Variants in CMYA5 observed in about 807,000 individuals in gnomAD.
The protein encoded by CMYA5 is cardiomyopathy-associated protein 5.
Under a neutral mutation model 318.9 loss-of-function variants are expected in CMYA5, and 246 were observed. The observed-to-expected ratio is 0.77, with a 90% CI of 0.70 to 0.86. The LOEUF is 0.86. Ranked by LOEUF, CMYA5 falls within the 40% of genes least tolerant of loss-of-function variation. The pLI is 0.00. For synonymous variants in CMYA5, 1,641 were observed against 1,729.5 expected, an observed-to-expected ratio of 0.95 and a Z score of 1.27; for missense variants, 4,589 against 4,678.2, an observed-to-expected ratio of 0.98 and a Z score of 0.56.
At chr5:79,755,379 C>T (rs1040531108) in intron 6 of CMYA5, among the ~76,000 whole-genome samples, 2 of 152,086 alleles carry the variant, frequency 1.3e-5, no homozygotes, top group Non-Finnish European at 1.5e-5. Flanking sequence ...CTCCGCCTCC[C>T]GGGTTCAAGC....
intron 10 of CMYA5, among the ~76,000 whole-genome samples, chr5:79,790,451 G>A (rs9293788): frequency 0.55 from 84,078 of 151,784 alleles, 23,629 homozygotes; most frequent in Admixed American, 0.62. Context: ...TTGTATTTTT[G>A]GTAGAGACGG....
intron 7 of CMYA5, among the ~76,000 whole-genome samples, chr5:79,761,346 G>A (rs907609071): frequency 2.6e-5 from 4 of 152,130 alleles, no homozygotes; most frequent in Non-Finnish European, 4.4e-5. Context: ...AACCTGGAAG[G>A]TCATACTGAA....
chr5:79,745,514 T>C, intron 4 of CMYA5, 59 bp downstream of exon 4: 1 of 1,034,158 alleles, frequency 9.7e-7, no homozygotes, highest in Admixed American at 1.9e-5. Flanking sequence ...CATCTACTTT[T>C]AAAGCTTCAT....
At chr5:79,740,285 C>T (rs577468828) in intron 2 of CMYA5, among the ~76,000 whole-genome samples, 7 of 152,270 alleles carry the variant, frequency 4.6e-5, no homozygotes, top group African/African-American at 1.7e-4. Context: ...GGCCTAGGGG[C>T]TAGCAAGAGA....
chr5:79,709,693 C>A (rs1454465142), intron 1 of CMYA5, among the ~76,000 whole-genome samples: 1 of 151,284 alleles, frequency 6.6e-6, no homozygotes, highest in Non-Finnish European at 1.5e-5. Flanking sequence ...CGTGGTGACT[C>A]ACGCCTGTAA....
intron 1 of CMYA5, 38 bp downstream of exon 1, chr5:79,690,094 G>A (rs1197813081): frequency 7.2e-7 from 1 of 1,392,396 alleles, no homozygotes; most frequent in Non-Finnish European, 9.3e-7. Context: ...GGGCCTGCAG[G>A]GCAGCTAGCA....
chr5:79,703,242 T>C (rs1827207077), intron 1 of CMYA5, among the ~76,000 whole-genome samples: 1 of 152,230 alleles, frequency 6.6e-6, no homozygotes, highest in Non-Finnish European at 1.5e-5. Context: ...TAGAATAAAC[T>C]AGTTAATATT....
chr5:79,768,619 G>GC (rs1434730856), intron 9 of CMYA5, among the ~76,000 whole-genome samples: 4 of 152,102 alleles, frequency 2.6e-5, no homozygotes, highest in African/African-American at 9.7e-5. Flanking sequence ...TTGAATATTG[G>GC]CCCCCACTCT....
At chr5:79,778,791 G>A (rs1269182416) in intron 9 of CMYA5, among the ~76,000 whole-genome samples, 2 of 133,016 alleles carry the variant, frequency 1.5e-5, no homozygotes, top group African/African-American at 3.1e-5. Flanking sequence ...CCCCCATGCC[G>A]CCTGCCCCCC....
intron 1 of CMYA5, among the ~76,000 whole-genome samples, chr5:79,705,133 G>A (rs1018392762): frequency 1.3e-5 from 2 of 152,124 alleles, no homozygotes; most frequent in Non-Finnish European, 2.9e-5. Context: ...TTAACCAGGC[G>A]TGGTGGCGCA....
intron 9 of CMYA5, among the ~76,000 whole-genome samples, chr5:79,766,560 A>G (rs575371198): frequency 2.6e-5 from 4 of 152,238 alleles, no homozygotes; most frequent in Non-Finnish European, 5.9e-5. Context: ...CTATTGAGAT[A>G]ATCATGTGGT....
chr5:79,737,125 C>T lies in CMYA5; in HGVS notation c.8360C>T (p.Pro2787Leu). The T allele has an allele frequency of 6.2e-7, 1 of 1,613,306 alleles. No homozygotes were observed. Among genetic ancestry groups the T allele is most frequent in the Non-Finnish European group, 8.5e-7 (1 of 1,179,678 alleles). Reference protein sequence around the residue: ...ITKESMKEGFPSKESERTLAR... With the variant: ...ITKESMKEGFLSKESERTLAR... ...AAAGAAAGTATGAAAGAAGGATTTC[C>T]ATCTAAAGAATCCGAAAGGACTTTA... The change falls in exon 2 of 13, where the codon CCA becomes CTA. Residue 2787 changes from proline to leucine, a missense_variant. This residue lies in a region of CMYA5 where 2,431 missense variants were observed against 2,495.1 expected (regional missense o/e 0.97). Transcript: ENST00000446378.
chr5:79,727,889 C>A (rs1424424131), intron 1 of CMYA5, among the ~76,000 whole-genome samples: 1 of 152,186 alleles, frequency 6.6e-6, no homozygotes, highest in Non-Finnish European at 1.5e-5. Flanking sequence ...ACGGACACAG[C>A]CTTTCCACAC....
chr5:79,748,564 C>T (rs1031460251), intron 5 of CMYA5, among the ~76,000 whole-genome samples: 15 of 149,770 alleles, frequency 1.0e-4, no homozygotes, highest in African/African-American at 3.7e-4. Flanking sequence ...TTTTTTTGAG[C>T]CAGGGTCTCA....
Position 79,745,424 on chromosome 5 carries a change from C to A in CMYA5, c.10937C>A (p.Ala3646Glu), listed in dbSNP as rs200011257. 2 of 1,613,912 alleles carry A rather than the reference C, an allele frequency of 1.2e-6. No individual in the cohort carries two copies. Among genetic ancestry groups the A allele is most frequent in the Non-Finnish European group, 1.7e-6 (2 of 1,179,834 alleles). Reference sequence around the variant, plus strand: ...ACCCTGGAGACCATCGTGAGAGAAGCAGAGGAGCTTGATGAGGCCGTCTTC... The same window carrying A: ...ACCCTGGAGACCATCGTGAGAGAAGAAGAGGAGCTTGATGAGGCCGTCTTC... ...KDTLETIVREAEELDEAVFLT... is the reference protein window; with the variant it reads ...KDTLETIVREEEELDEAVFLT... The change falls in exon 4 of 13, where the codon GCA (alanine) becomes GAA (glutamate). Residue 3646 changes from alanine to glutamate, a missense_variant. By Grantham distance (107) the Ala-to-Glu change is moderately radical (BLOSUM62 -1). This residue lies in a region of CMYA5 where 2,431 missense variants were observed against 2,495.1 expected (regional missense o/e 0.97). Transcript: ENST00000446378.
At chr5:79,748,094 A>T (rs1243807357) in intron 5 of CMYA5, among the ~76,000 whole-genome samples, 1 of 152,224 alleles carries the variant, frequency 6.6e-6, no homozygotes, top group African/African-American at 2.4e-5. Context: ...TGACTTATTG[A>T]CATTAATCAA....
chr5:79,752,547 A>G, intron 5 of CMYA5, 129 bp from the exon 6 acceptor site: 1 of 558,796 alleles, frequency 1.8e-6, no homozygotes, highest in East Asian at 2.9e-5. Context: ...CCTTTTTTGG[A>G]TAGAGTGAGA....
chr5:79,738,505 T>G lies in CMYA5; in HGVS notation c.9740T>G (p.Ile3247Ser). ...YFEKYILKDDILHDTSLTQKD... is the reference protein window; with the variant it reads ...YFEKYILKDDSLHDTSLTQKD... ...GAGAAGTACATACTCAAAGATGACA[T>G]TCTCCATGACACATCTCTAACTCAA... The change falls in exon 2 of 13, where the codon ATT becomes AGT. Residue 3247 changes from isoleucine (I) to serine (S), a missense_variant. Physicochemically the swap from Ile to Ser is moderately radical, Grantham distance 142. This residue lies in a region of CMYA5 where 2,431 missense variants were observed against 2,495.1 expected (regional missense o/e 0.97). Coordinates refer to ENST00000446378, the MANE Select transcript of CMYA5 (RefSeq NM_153610.5). 1 of 1,613,460 alleles carries G rather than the reference T, an allele frequency of 6.2e-7. No homozygotes were observed. Among genetic ancestry groups the G allele is most frequent in the Non-Finnish European group, 8.5e-7 (1 of 1,179,858 alleles).
At position 79,737,376 on chromosome 5, in the gene CMYA5, C is replaced by T. The variant is rs1828099787; in HGVS notation, c.8611C>T (p.His2871Tyr). Residue 2871 changes from histidine (H) to tyrosine (Y), a missense_variant, in exon 2 of 13, where the codon CAC becomes TAC. This residue lies in a region of CMYA5 where 2,431 missense variants were observed against 2,495.1 expected (regional missense o/e 0.97). Coordinates refer to ENST00000446378, the MANE Select transcript of CMYA5 (RefSeq NM_153610.5). ...VPKQSVLVSKHHLEAAEDTRV... is the reference protein window; with the variant it reads ...VPKQSVLVSKYHLEAAEDTRV... ...TAAACAATCTGTTCTTGTTTCAAAG[C>T]ACCACTTGGAGGCTGCGGAAGATAC... The T allele has an allele frequency of 1.9e-6, 3 of 1,613,810 alleles. No individual in the cohort carries two copies. The highest frequency in any genetic ancestry group is 2.5e-6 in the Non-Finnish European group (3 of 1,179,810).
Sources: gnomAD v4.1 joint callset for allele counts (sites outside exome capture counted in the v4.1 genomes callset) on GRCh38, gnomAD v4.1.1 for gene constraint, gnomAD v4.1.1 regional missense constraint, MANE v1.5 for transcripts, NCBI Gene and HGNC (gene_info 2026-07-23, HGNC 2026-07-21) for gene names.